BANK1: variants seen among roughly 807,000 people sequenced by gnomAD.
The protein encoded by BANK1 is B cell scaffold protein with ankyrin repeats 1, also known as B-cell scaffold protein with ankyrin repeats.
Under a neutral mutation model 94.5 loss-of-function variants are expected in BANK1, and 95 were observed. The ratio of observed to expected loss-of-function variants is 1.00; its 90% CI spans 0.85 to 1.19. The LOEUF (loss-of-function observed/expected upper bound fraction) is 1.19, where lower values mean the gene tolerates loss of function less well. Ranked by LOEUF, BANK1 falls within the 50% of genes most tolerant of loss-of-function variation. The probability of loss-of-function intolerance (pLI) is 0.00; values close to 1 mark genes in which losing one functional copy is unlikely to be tolerated. For missense variants in BANK1, 987 were observed against 932.2 expected (o/e 1.06, Z -0.77); for synonymous variants, 334 against 308.4 (o/e 1.08, Z -0.87).
At chr4:101,963,450 C>A (rs982878663) in intron 7 of BANK1, among the ~76,000 whole-genome samples, 70 of 152,176 alleles carry the variant, frequency 4.6e-4, no homozygotes, top group African/African-American at 1.6e-3. Flanking sequence ...TTCTTCATTT[C>A]GGCCTTGGAC....
At chr4:102,018,839 G>A (rs1421851149) in intron 7 of BANK1, among the ~76,000 whole-genome samples, 1 of 131,284 alleles carries the variant, frequency 7.6e-6, no homozygotes, top group East Asian at 2.2e-4. Context: ...TTTTTTTTGA[G>A]ACAGAGTCTC....
chr4:101,964,766 T>A (rs889423873), intron 7 of BANK1, among the ~76,000 whole-genome samples: 9 of 151,796 alleles, frequency 5.9e-5, no homozygotes, highest in Admixed American at 2.0e-4. Context: ...AGTATTCTTT[T>A]TTATTATTAT....
chr4:101,970,549 C>G (rs1033188367), intron 7 of BANK1, among the ~76,000 whole-genome samples: 8 of 152,228 alleles, frequency 5.3e-5, no homozygotes, highest in Admixed American at 1.3e-4. Context: ...AGCAAACAAG[C>G]TTGGACGTAA....
intron 7 of BANK1, among the ~76,000 whole-genome samples, chr4:101,970,773 C>T (rs1293971472): frequency 2.0e-5 from 3 of 152,048 alleles, no homozygotes; most frequent in Non-Finnish European, 4.4e-5. Flanking sequence ...TAGAGAAAAC[C>T]AAACATCTGA....
At chr4:101,937,824 G>C (rs1288566180) in intron 7 of BANK1, among the ~76,000 whole-genome samples, 1 of 151,792 alleles carries the variant, frequency 6.6e-6, no homozygotes, top group Admixed American at 6.6e-5. Context: ...CAATAGCAAA[G>C]ACTTTGAACC....
intron 2 of BANK1, among the ~76,000 whole-genome samples, chr4:101,853,307 C>T (rs192957233): frequency 2.0e-5 from 3 of 152,278 alleles, no homozygotes; most frequent in African/African-American, 7.2e-5. Flanking sequence ...TTTTGTTACT[C>T]TGCTTTTCTG....
chr4:102,028,632 G>C (rs1727181252), intron 9 of BANK1, among the ~76,000 whole-genome samples: 1 of 151,964 alleles, frequency 6.6e-6, no homozygotes, highest in African/African-American at 2.4e-5. Context: ...GAAAGAAAAA[G>C]CCTTCATTGG....
chr4:101,866,148 T>C (rs1381464008), intron 4 of BANK1, among the ~76,000 whole-genome samples: 1 of 152,112 alleles, frequency 6.6e-6, no homozygotes, highest in South Asian at 2.1e-4. Flanking sequence ...TAAAAAGAGA[T>C]AAACTTTGAG....
chr4:101,811,498 C>T (rs539017857), intron 1 of BANK1, among the ~76,000 whole-genome samples: 12 of 152,148 alleles, frequency 7.9e-5, no homozygotes, highest in African/African-American at 2.4e-4. Context: ...TAATATACTG[C>T]AGCCCTCCAC....
intron 2 of BANK1, among the ~76,000 whole-genome samples, chr4:101,839,165 T>G (rs1319791306): frequency 6.6e-6 from 1 of 152,230 alleles, no homozygotes; most frequent in Non-Finnish European, 1.5e-5. Context: ...CCTTGAGTTT[T>G]CATGAGTGAT....
chr4:101,830,090 T>C lies in BANK1; in HGVS notation c.353T>C (p.Val118Ala). The C allele has an allele frequency of 6.2e-7, 1 of 1,613,816 alleles. No individual in the cohort carries two copies. Among genetic ancestry groups the C allele is most frequent in the Non-Finnish European group, 8.5e-7 (1 of 1,179,892 alleles). The change falls in exon 2 of 17, where the codon GTG (valine) becomes GCG (alanine). Residue 118 changes from valine (V) to alanine (A), a missense_variant. By Grantham distance (64) the Val-to-Ala change is moderately conservative (BLOSUM62 0). Transcript: ENST00000322953. ...AGTGTAGTTACTTTGCTTTGTGGAG[T>C]GAAGAGTTCAGATCAGCTCTATGAA... is the stretch of plus-strand genomic sequence containing the variant. ...PKSVVTLLCGVKSSDQLYELL... is the reference protein window; with the variant it reads ...PKSVVTLLCGAKSSDQLYELL...
intron 2 of BANK1, 127 bp from the exon 3 acceptor site, chr4:101,854,908 G>T: frequency 1.6e-6 from 1 of 620,670 alleles, no homozygotes; most frequent in East Asian, 2.6e-5. Context: ...AATTATTTCA[G>T]CTATCTTAAA....
At chr4:101,997,381 C>T (rs1175576008) in intron 7 of BANK1, among the ~76,000 whole-genome samples, 1 of 152,068 alleles carries the variant, frequency 6.6e-6, no homozygotes, top group Non-Finnish European at 1.5e-5. Flanking sequence ...TGATATTGGC[C>T]TGAAATTTTC....
At chr4:101,992,470 A>C (rs1036192040) in intron 7 of BANK1, among the ~76,000 whole-genome samples, 1 of 152,164 alleles carries the variant, frequency 6.6e-6, no homozygotes, top group African/African-American at 2.4e-5. Context: ...AAATTTTTTT[A>C]CCATTATCTT....
chr4:101,794,388 A>T (rs1183087650), intron 1 of BANK1, among the ~76,000 whole-genome samples: 2 of 152,168 alleles, frequency 1.3e-5, no homozygotes, highest in African/African-American at 2.4e-5. Flanking sequence ...TGACAAAAAT[A>T]AATGACATGT....
intron 2 of BANK1, among the ~76,000 whole-genome samples, chr4:101,833,936 A>G (rs1044549883): frequency 1.3e-5 from 2 of 152,200 alleles, no homozygotes; most frequent in African/African-American, 4.8e-5. Flanking sequence ...AAGTGTTACA[A>G]TAGGAAAATT....
intron 10 of BANK1, among the ~76,000 whole-genome samples, chr4:102,033,961 T>C (rs946973587): frequency 6.6e-6 from 1 of 152,210 alleles, no homozygotes; most frequent in Admixed American, 6.5e-5. Context: ...AGGAAGAGAT[T>C]ACCTCATCAG....
At chr4:101,979,695 G>A (rs1235205142) in intron 7 of BANK1, among the ~76,000 whole-genome samples, 4 of 151,804 alleles carry the variant, frequency 2.6e-5, no homozygotes, top group South Asian at 2.1e-4. Context: ...ATGTGTATAT[G>A]TAAGAAATTT....
chr4:101,862,459 G>A, intron 3 of BANK1, 67 bp from the exon 4 acceptor site: 1 of 1,333,856 alleles, frequency 7.5e-7, no homozygotes, highest in East Asian at 2.4e-5. Flanking sequence ...ATAAAGAAAT[G>A]TAATGGGTTC....
Sources: allele counts gnomAD v4.1 joint callset (sites outside exome capture counted in the v4.1 genomes callset), GRCh38; gene constraint gnomAD v4.1.1; transcripts MANE v1.5; gene names NCBI Gene and HGNC (gene_info 2026-07-23, HGNC 2026-07-21).